GRK1: variants seen among roughly 807,000 people sequenced by gnomAD.
GRK1 encodes G protein-coupled receptor kinase 1, also known as rhodopsin kinase GRK1.
GRK1 carries 28 observed loss-of-function variants against 41.7 expected under a neutral mutation model. The observed-to-expected ratio is 0.67, with a 90% CI of 0.50 to 0.92. The LOEUF (loss-of-function observed/expected upper bound fraction) is 0.92, where lower values mean the gene tolerates loss of function less well. Among genes scored for constraint, GRK1 ranks in the 40% least tolerant of loss-of-function variants. The pLI is 0.00. For synonymous variants in GRK1, 327 were observed against 286.7 expected (o/e 1.14, Z -1.42); for missense variants, 703 against 671.2 (o/e 1.05, Z -0.52).
intron 3 of GRK1, among the ~76,000 whole-genome samples, chr13:113,672,414 T>TC (rs2049863685): frequency 2.1e-5 from 1 of 47,758 alleles, no homozygotes; most frequent in Non-Finnish European, 4.6e-5. Context: ...ATGTGGAATG[T>TC]GGTGTGTTCG....
At chr13:113,664,538 G>A (rs978361963), upstream of GRK1, among the ~76,000 whole-genome samples, 1 of 152,186 alleles carries the variant, frequency 6.6e-6, no homozygotes, top group Non-Finnish European at 1.5e-5. This position sits in a 1 kb window ranked among gnomAD's most constrained non-coding sequence, Gnocchi z 5.4. Context: ...TGATGGACAC[G>A]TTTCACATAT....
At chr13:113,648,420 T>C in the GRK1 span, among the ~76,000 whole-genome samples, 1 of 152,132 alleles carries the variant, frequency 6.6e-6, no homozygotes, top group Non-Finnish European at 1.5e-5. Flanking sequence ...GCATGTGAAA[T>C]CAGGACCCAG....
At chr13:113,730,316 C>T (rs1442129030) in intron 4 of GRK1, among the ~76,000 whole-genome samples, 13 of 135,800 alleles carry the variant, frequency 9.6e-5, no homozygotes, top group Admixed American at 3.7e-4. Flanking sequence ...CCCTCCATCC[C>T]GACAGTCCCC....
chr13:113,653,507 T>G, the GRK1 span: 1 of 1,397,900 alleles, frequency 7.2e-7, no homozygotes, highest in East Asian at 2.3e-5. Flanking sequence ...CTGAAGTGGC[T>G]GAGGATACGC....
chr13:113,660,514 G>A, the GRK1 span, among the ~76,000 whole-genome samples: 4 of 152,178 alleles, frequency 2.6e-5, no homozygotes, highest in Non-Finnish European at 4.4e-5. Context: ...ATATGAAAAC[G>A]TCTGGGTTTC....
At chr13:113,662,802 A>G (rs2049797377), upstream of GRK1, among the ~76,000 whole-genome samples, 1 of 152,242 alleles carries the variant, frequency 6.6e-6, no homozygotes, top group Non-Finnish European at 1.5e-5. Context: ...TAGAGTTTGA[A>G]TAAATGGAGA....
chr13:113,725,184 G>A (rs1011576421), intron 4 of GRK1, among the ~76,000 whole-genome samples: 1 of 34,972 alleles, frequency 2.9e-5, no homozygotes, highest in Non-Finnish European at 5.7e-5. Context: ...CCTCCCACGC[G>A]CCCCCCACGC....
At chr13:113,733,898 T>TGTGC (rs1566700273) in intron 6 of GRK1, among the ~76,000 whole-genome samples, 15 of 65,618 alleles carry the variant, frequency 2.3e-4, no homozygotes, top group Admixed American at 6.0e-4. Context: ...TGCGTGTGTG[T>TGTGC]ATGTGTGCAT....
At chr13:113,670,880 G>A (rs2049852482) in intron 2 of GRK1, among the ~76,000 whole-genome samples, 1 of 151,828 alleles carries the variant, frequency 6.6e-6, no homozygotes, top group Non-Finnish European at 1.5e-5. Context: ...GTGCTAGGAA[G>A]CGCGGTCACA....
At position 113,731,797 on chromosome 13, in the gene GRK1, G is replaced by C. The variant is rs965727322; in HGVS notation, c.1194+454G>C. Among the ~76,000 whole-genome samples the C allele has an allele frequency of 2.0e-5, 3 of 152,196 alleles. No individual in the cohort carries two copies. Among genetic ancestry groups the C allele is most frequent in the Non-Finnish European group, 2.9e-5 (2 of 68,026 alleles). ...TGGGGACTGGCGAGGCTGAGGCTGGGGCTCTGGGGGACACGGAGTCGGCTC... is the reference window on the plus strand; with the variant it reads ...TGGGGACTGGCGAGGCTGAGGCTGGCGCTCTGGGGGACACGGAGTCGGCTC... On this transcript the variant is annotated intron_variant, in intron 5 of 6. Transcript: ENST00000335678. The surrounding 1 kb of genome is among the most constrained non-coding windows in gnomAD (Gnocchi z 5.6).
At chr13:113,733,801 A>G (rs1450795134) in intron 6 of GRK1, among the ~76,000 whole-genome samples, 1,595 of 61,898 alleles carry the variant, frequency 0.026, 64 homozygotes, top group African/African-American at 0.099. Context: ...GTGTATGTGT[A>G]TCTGTGTGCA....
At position 113,733,573 on chromosome 13, in the gene GRK1, ATGTG is replaced by A. The variant is rs750108224; in HGVS notation, c.1396+493_1396+496del. Among the ~76,000 whole-genome samples the A allele has an allele frequency of 4.4e-4, 58 of 131,914 alleles. 1 individual carries two copies. The East Asian group carries it at 6.5e-3, about 15-fold the overall frequency. The allele number at this position is 131,914 out of a possible 152,430, so 86.5% of individuals were successfully genotyped here. A position where few individuals can be genotyped will look rare whatever the true frequency, so the allele number is the denominator to read the frequency against. ...CGCGCACGTGTGTCCATGTATGTGT[ATGTG>A]TGTGCATACGTGTGTGTGCATGTGT... On this transcript the variant is annotated intron_variant, in intron 6 of 6. Transcript: ENST00000335678.
intron 6 of GRK1, among the ~76,000 whole-genome samples, chr13:113,733,829 G>C (rs2049969645): frequency 7.4e-6 from 1 of 135,318 alleles, no homozygotes; most frequent in South Asian, 2.6e-4. Flanking sequence ...GTGCGTGTGT[G>C]TGCACGTGCG....
At chr13:113,672,332 ATG>A (rs2049862973) in intron 3 of GRK1, among the ~76,000 whole-genome samples, 1 of 64,464 alleles carries the variant, frequency 1.6e-5, no homozygotes, top group Non-Finnish European at 3.0e-5. Context: ...TGGTATGTGT[ATG>A]TGTGGTGTGT....
rs1345258900 is a variant in GRK1, at chr13:113,736,315, G to A, written c.*952G>A. 2.0e-5 allele frequency: 3 copies of A among 152,270 alleles called. No individual in the cohort carries two copies. Among genetic ancestry groups the A allele is most frequent in the Non-Finnish European group, 4.4e-5 (3 of 68,076 alleles). 9.4% of individuals were successfully genotyped at this position (152,270 alleles called of 1,614,324 possible). ...CTTCAGGCCACGGGCCTTGTGCATA[G>A]GGACAGAGCTCCTTGCTGCAACCCC... On this transcript the variant is annotated 3_prime_UTR_variant, in exon 7 of 7. Coordinates refer to ENST00000335678, the MANE Select transcript of GRK1 (RefSeq NM_002929.3).
At chr13:113,733,960 GTGTGTGTGCGTGTGTGCGCA>G (rs2049978060) in intron 6 of GRK1, among the ~76,000 whole-genome samples, 1 of 124,020 alleles carries the variant, frequency 8.1e-6, no homozygotes, top group Non-Finnish European at 1.9e-5. Context: ...GTGTGCATAC[GTGTGTGTGCGTGTGTGCGCA>G]TGTGTGTGCA....
rs1206758541 is a variant in GRK1 at position 113,735,395 on chromosome 13, G to C, written c.*32G>C. The C allele has an allele frequency of 6.9e-7, 1 of 1,451,588 alleles. No individual in the cohort carries two copies. Among genetic ancestry groups the C allele is most frequent in the Non-Finnish European group, 9.1e-7 (1 of 1,103,922 alleles). The allele number at this position is 1,451,588 out of a possible 1,614,324, so 89.9% of individuals were successfully genotyped here. ...CCCCAGAGTCCACGTGGAGGAAAAG[G>C]ACCCATACGGCTCGATGGGGGCCGC... On this transcript the variant is annotated 3_prime_UTR_variant, in exon 7 of 7. Coordinates refer to ENST00000335678, the MANE Select transcript of GRK1 (RefSeq NM_002929.3).
At position 113,731,350 on chromosome 13, in the gene GRK1, G is replaced by A; in HGVS notation, c.1194+7G>A. On this transcript the variant is annotated splice_region_variant and intron_variant, in intron 5 of 6. Coordinates refer to ENST00000335678, the MANE Select transcript of GRK1 (RefSeq NM_002929.3). This position sits in a 1 kb window ranked among gnomAD's most constrained non-coding sequence, Gnocchi z 5.6. Reference sequence around the variant, plus strand: ...CCGAGCCCGTGGAGAGAAGGTAGGAGGCGGCCGGCAGGTGTCTCTGCAGCC... The same window carrying A: ...CCGAGCCCGTGGAGAGAAGGTAGGAAGCGGCCGGCAGGTGTCTCTGCAGCC... 6.5e-7 allele frequency: 1 copy of A among 1,536,804 alleles called. No homozygotes were observed. The highest frequency in any genetic ancestry group is 1.2e-5 in the South Asian group (1 of 84,050).
the GRK1 span, among the ~76,000 whole-genome samples, chr13:113,659,644 A>G: frequency 5.6e-4 from 85 of 151,266 alleles, no homozygotes; most frequent in African/African-American, 2.0e-3. Context: ...TGTTGCCCAG[A>G]CTGGTTTAGA....
Sources: gnomAD v4.1 joint callset for allele counts (sites outside exome capture counted in the v4.1 genomes callset) on GRCh38, gnomAD v4.1.1 for gene constraint, Gnocchi (gnomAD v3.1) non-coding constraint, MANE v1.5 for transcripts, NCBI Gene and HGNC (gene_info 2026-07-23, HGNC 2026-07-21) for gene names.